The following DOCK2 variants were observed in gnomAD, a reference collection of about 807,000 sequenced individuals.
The protein encoded by DOCK2 is dedicator of cytokinesis protein 2.
DOCK2 carries 87 observed loss-of-function variants against 248.9 expected under a neutral mutation model. The ratio of observed to expected loss-of-function variants is 0.35; its 90% CI spans 0.29 to 0.42. The LOEUF (loss-of-function observed/expected upper bound fraction) is 0.42, where lower values mean the gene tolerates loss of function less well. Among genes scored for constraint, DOCK2 ranks in the 10% least tolerant of loss-of-function variants. DOCK2 has a pLI of 1.00. For missense variants in DOCK2, 1,747 were observed against 2,300.2 expected (o/e 0.76, Z 4.92); for synonymous variants, 805 against 821.6 (o/e 0.98, Z 0.35).
intron 13 of DOCK2, among the ~76,000 whole-genome samples, chr5:169,701,139 A>G (rs1760947361): frequency 6.6e-6 from 1 of 152,114 alleles, no homozygotes; most frequent in South Asian, 2.1e-4. Context: ...TCTTGCTTCT[A>G]CTTCCTTCAG....
Position 170,026,280 on chromosome 5 carries a change from A to G in DOCK2, c.3382-1583A>G, listed in dbSNP as rs767292618. Among the ~76,000 whole-genome samples the G allele has an allele frequency of 3.2e-4, 48 of 152,128 alleles. 1 individual carries two copies. The highest frequency in any genetic ancestry group is 6.0e-4 in the Non-Finnish European group (41 of 68,020). On this transcript the variant is annotated intron_variant, in intron 33 of 51. Transcript: ENST00000520908. Reference sequence around the variant, plus strand: ...AAAGAGCCTGCCAAAGGTCTCTGCCATTCATCTAAGACTTTAGACAGGTCA... The same window carrying G: ...AAAGAGCCTGCCAAAGGTCTCTGCCGTTCATCTAAGACTTTAGACAGGTCA...
chr5:169,873,890 C>G (rs755229967), intron 27 of DOCK2, among the ~76,000 whole-genome samples: 10 of 152,266 alleles, frequency 6.6e-5, no homozygotes, highest in Non-Finnish European at 8.8e-5. Context: ...ATGTGAAGCC[C>G]TTGCTTTTCT....
chr5:170,065,479 A>C (rs1239539766), intron 44 of DOCK2, among the ~76,000 whole-genome samples: 2 of 149,880 alleles, frequency 1.3e-5, no homozygotes, highest in Non-Finnish European at 2.9e-5. Flanking sequence ...ACAACAACAA[A>C]AAAACCTAAT....
chr5:170,052,739 G>A (rs1756963339), intron 41 of DOCK2, among the ~76,000 whole-genome samples: 1 of 152,144 alleles, frequency 6.6e-6, no homozygotes, highest in African/African-American at 2.4e-5. Flanking sequence ...TTTATTAACT[G>A]TTTACCATGT....
At chr5:169,736,168 C>A (rs987311441) in intron 22 of DOCK2, among the ~76,000 whole-genome samples, 1 of 152,200 alleles carries the variant, frequency 6.6e-6, no homozygotes, top group African/African-American at 2.4e-5. Flanking sequence ...GGATGTGGAA[C>A]CAAACCATAT....
At chr5:169,875,896 A>G (rs1303110105) in intron 27 of DOCK2, 1 of 152,304 alleles carries the variant, frequency 6.6e-6, no homozygotes, top group Non-Finnish European at 1.5e-5. Flanking sequence ...GAGTGTACTT[A>G]TGTCCCTTTG....
chr5:169,953,344 A>AG (rs1436021375), intron 27 of DOCK2, among the ~76,000 whole-genome samples: 1 of 151,716 alleles, frequency 6.6e-6, no homozygotes, highest in Non-Finnish European at 1.5e-5. Flanking sequence ...AAAAAAAAAA[A>AG]AAAAGAGAGA....
chr5:169,898,349 G>C (rs772412177), intron 27 of DOCK2, among the ~76,000 whole-genome samples: 3 of 152,174 alleles, frequency 2.0e-5, no homozygotes, highest in Non-Finnish European at 4.4e-5. Flanking sequence ...ACAGCAGCCA[G>C]GTGTACTGTA....
rs138647385 is a variant in DOCK2, at chr5:169,851,625, G to A, written c.2799+10773G>A. On this transcript the variant is annotated intron_variant, in intron 27 of 51. Coordinates refer to ENST00000520908, the MANE Select transcript of DOCK2 (RefSeq NM_004946.3). Reference sequence around the variant, plus strand: ...ATGTGTATTAGTCTGTTTTCACACTGCTATAAAGAACTGCCCAAGATTGAG... The same window carrying A: ...ATGTGTATTAGTCTGTTTTCACACTACTATAAAGAACTGCCCAAGATTGAG... Among the ~76,000 whole-genome samples, 460 of 152,272 alleles carry A rather than the reference G, an allele frequency of 3.0e-3. 3 individuals carry two copies. The highest frequency in any genetic ancestry group is 0.011 in the African/African-American group (446 of 41,546).
Position 169,694,720 on chromosome 5 carries a change from C to T in DOCK2, c.844-1083C>T, listed in dbSNP as rs1236466746. On this transcript the variant is annotated intron_variant, in intron 9 of 51. Coordinates refer to ENST00000520908, the MANE Select transcript of DOCK2 (RefSeq NM_004946.3). The stretch of plus-strand genomic sequence containing the variant: ...TTGAGCTGGGTCTGGTGGCTCATGT[C>T]TGTAATCCCAGCACTTTCGGAGGCT... 3.3e-5 allele frequency among the ~76,000 whole-genome samples: 5 copies of T among 152,220 alleles called. No homozygotes were observed. In the East Asian group the frequency reaches 9.7e-4, roughly 29 times the overall value.
chr5:169,925,075 A>G (rs371677553), intron 27 of DOCK2, among the ~76,000 whole-genome samples: 2 of 152,098 alleles, frequency 1.3e-5, no homozygotes, highest in South Asian at 2.1e-4. Context: ...TTCTTTCTCT[A>G]TTATTCTTTT....
intron 32 of DOCK2, among the ~76,000 whole-genome samples, chr5:170,018,205 G>A (rs1755601658): frequency 6.6e-6 from 1 of 152,192 alleles, no homozygotes; most frequent in Non-Finnish European, 1.5e-5. Flanking sequence ...CCAGAGGAAG[G>A]AGTGTTTAAG....
chr5:169,801,537 G>A (rs776224585), intron 25 of DOCK2, among the ~76,000 whole-genome samples: 17 of 152,156 alleles, frequency 1.1e-4, no homozygotes, highest in Non-Finnish European at 1.9e-4. Flanking sequence ...TATTAGTACC[G>A]TTGGCAGTTA....
At chr5:169,687,077 C>T (rs1017740864) in intron 8 of DOCK2, among the ~76,000 whole-genome samples, 9 of 152,072 alleles carry the variant, frequency 5.9e-5, no homozygotes, top group Admixed American at 4.6e-4. Flanking sequence ...GATTGTGCTT[C>T]TCCTGGAAGA....
chr5:169,890,028 A>G (rs1163995773), intron 27 of DOCK2, among the ~76,000 whole-genome samples: 1 of 152,222 alleles, frequency 6.6e-6, no homozygotes, highest in Non-Finnish European at 1.5e-5. Context: ...AATCCCCACT[A>G]GGGAGGCTGG....
intron 27 of DOCK2, among the ~76,000 whole-genome samples, chr5:169,952,960 G>A (rs1208169178): frequency 3.3e-5 from 5 of 152,208 alleles, no homozygotes; most frequent in Admixed American, 6.5e-5. Context: ...GTAAAGGGAA[G>A]GCTTCACTTT....
chr5:169,911,811 G>C (rs149348070), intron 27 of DOCK2, among the ~76,000 whole-genome samples: 1 of 152,156 alleles, frequency 6.6e-6, no homozygotes, highest in Non-Finnish European at 1.5e-5. Flanking sequence ...CAAGTTCCAC[G>C]GAAAGCCTAG....
rs151015767 is a variant in DOCK2 at position 169,929,635 on chromosome 5, C to T, written c.2800-53433C>T. ...GCACATGCCTGTAGTCCCTGCTACT[C>T]GGAGGCTGAGGCAGGAGAATCACTC... On this transcript the variant is annotated intron_variant, in intron 27 of 51. Transcript: ENST00000520908. Among the ~76,000 whole-genome samples, 918 of 150,608 alleles carry T rather than the reference C, an allele frequency of 6.1e-3. 10 individuals carry two copies. Among genetic ancestry groups the T allele is most frequent in the African/African-American group, 0.02 (833 of 40,912 alleles).
chr5:169,708,386 C>T, intron 15 of DOCK2, 119 bp downstream of exon 15: 1 of 994,906 alleles, frequency 1.0e-6, no homozygotes, highest in Non-Finnish European at 1.5e-6. Flanking sequence ...GAGGTTTGTA[C>T]TAATATTTCC....
Sources: gnomAD v4.1 joint callset for allele counts (sites outside exome capture counted in the v4.1 genomes callset) on GRCh38, gnomAD v4.1.1 for gene constraint, MANE v1.5 for transcripts, NCBI Gene and HGNC (gene_info 2026-07-23, HGNC 2026-07-21) for gene names.